SRGAP2C: variants seen among roughly 807,000 people sequenced by gnomAD.
SRGAP2C encodes SLIT-ROBO Rho GTPase activating protein 2C.
Under a neutral mutation model 25.1 loss-of-function variants are expected in SRGAP2C, and 15 were observed. The ratio of observed to expected loss-of-function variants is 0.60; its 90% CI spans 0.40 to 0.92. The LOEUF is 0.92. Ranked by LOEUF, SRGAP2C falls within the 40% of genes least tolerant of loss-of-function variation. SRGAP2C has a pLI of 0.00. For synonymous variants in SRGAP2C, 44 were observed against 96.6 expected (o/e 0.46, Z 3.19); for missense variants, 144 against 264.4 (o/e 0.54, Z 3.16).
intron 3 of SRGAP2C, among the ~76,000 whole-genome samples, chr1:121,310,758 G>T (rs1657964559): frequency 1.2e-5 from 1 of 86,150 alleles, no homozygotes; most frequent in Non-Finnish European, 2.5e-5. Flanking sequence ...TATTTCTGAG[G>T]GCTCTGTTCT....
intron 2 of SRGAP2C, among the ~76,000 whole-genome samples, chr1:121,211,209 T>G (rs1292071299): frequency 6.6e-5 from 10 of 152,068 alleles, no homozygotes; most frequent in Non-Finnish European, 1.3e-4. Flanking sequence ...GTACTTGGTC[T>G]TTTCTTCTTT....
chr1:121,237,338 G>A (rs1412067679), intron 2 of SRGAP2C, among the ~76,000 whole-genome samples: 3 of 151,532 alleles, frequency 2.0e-5, no homozygotes, highest in South Asian at 4.2e-4. Flanking sequence ...GGGCTCAAGC[G>A]AATTAATCCC....
chr1:121,259,983 G>T, intron 2 of SRGAP2C, among the ~76,000 whole-genome samples: 1 of 142,486 alleles, frequency 7.0e-6, no homozygotes, highest in East Asian at 2.0e-4. Flanking sequence ...GCCTCCTGAA[G>T]TACTTGGGAC....
At chr1:121,271,067 G>A (rs1158445868) in intron 2 of SRGAP2C, among the ~76,000 whole-genome samples, 33 of 151,376 alleles carry the variant, frequency 2.2e-4, no homozygotes, top group African/African-American at 7.5e-4. Context: ...AAAGTGCTGG[G>A]ATTATAGGCG....
intron 4 of SRGAP2C, among the ~76,000 whole-genome samples, chr1:121,346,808 C>T (rs1424779318): frequency 1.3e-4 from 20 of 151,294 alleles, no homozygotes; most frequent in Middle Eastern, 6.8e-3. Flanking sequence ...ATGTCCCAGG[C>T]GGGAGGTCAT....
At chr1:121,219,155 C>T (rs1376794278) in intron 2 of SRGAP2C, among the ~76,000 whole-genome samples, 6 of 149,320 alleles carry the variant, frequency 4.0e-5, no homozygotes, top group Non-Finnish European at 8.8e-5. Context: ...GTATACCTAG[C>T]GTGAACTAAC....
chr1:121,383,452 C>T (rs587775373), intron 8 of SRGAP2C, among the ~76,000 whole-genome samples: 6 of 151,362 alleles, frequency 4.0e-5, no homozygotes, highest in Admixed American at 1.3e-4. Context: ...TCTTATTCTC[C>T]TGAAGTTAGA....
chr1:121,270,128 C>T (rs587605817), intron 2 of SRGAP2C, among the ~76,000 whole-genome samples: 16 of 140,628 alleles, frequency 1.1e-4, no homozygotes, highest in African/African-American at 2.9e-4. Context: ...TTTCTCAAGA[C>T]GAGTTCGTGG....
At position 121,273,857 on chromosome 1, in the gene SRGAP2C, G is replaced by A. The variant is rs1657037707; in HGVS notation, c.68-10946G>A. Among the ~76,000 whole-genome samples, 2 of 151,854 alleles carry A rather than the reference G, an allele frequency of 1.3e-5. 1 individual carries two copies. The highest frequency in any genetic ancestry group is 2.9e-5 in the Non-Finnish European group (2 of 67,902). On this transcript the variant is annotated intron_variant, in intron 2 of 9. Coordinates refer to ENST00000367123, the MANE Select transcript of SRGAP2C (RefSeq NM_001329984.2). ...TCATGCTTCAGTAGCAGGAGAGAAA[G>A]CCTGGGTGGGATTGAGAGTCACGCA...
intron 2 of SRGAP2C, among the ~76,000 whole-genome samples, chr1:121,203,843 C>G (rs1355360014): frequency 4.5e-5 from 5 of 109,982 alleles, no homozygotes; most frequent in African/African-American, 1.9e-4. Context: ...CAGCACAAGT[C>G]TCTGAAGACT....
chr1:121,260,965 T>C (rs1248412872), intron 2 of SRGAP2C, among the ~76,000 whole-genome samples: 1 of 90,002 alleles, frequency 1.1e-5, no homozygotes, highest in African/African-American at 4.0e-5. Flanking sequence ...AGGGTCTCTC[T>C]GTCACCAGGC....
At chr1:121,314,218 C>T (rs1474838360) in intron 3 of SRGAP2C, among the ~76,000 whole-genome samples, 72 of 133,252 alleles carry the variant, frequency 5.4e-4, no homozygotes, top group Admixed American at 2.4e-3. Context: ...TTGATCGCAT[C>T]GGCTCCTGAG....
At chr1:121,201,676 A>G (rs1480040439) in intron 2 of SRGAP2C, among the ~76,000 whole-genome samples, 2 of 152,268 alleles carry the variant, frequency 1.3e-5, no homozygotes, top group South Asian at 2.1e-4. Context: ...AGCTGGAATT[A>G]CTTGGGAGGG....
intron 2 of SRGAP2C, among the ~76,000 whole-genome samples, chr1:121,284,099 A>T (rs1657308790): frequency 2.6e-5 from 4 of 152,150 alleles, no homozygotes; most frequent in African/African-American, 9.6e-5. Context: ...TTCTTAAAAA[A>T]TGATTTTCAT....
At chr1:121,307,250 G>A (rs1179135039) in intron 3 of SRGAP2C, among the ~76,000 whole-genome samples, 2 of 146,154 alleles carry the variant, frequency 1.4e-5, no homozygotes, top group African/African-American at 2.5e-5. Flanking sequence ...CAGGTGTGAG[G>A]CACTGCATCC....
intron 5 of SRGAP2C, among the ~76,000 whole-genome samples, chr1:121,367,193 C>T (rs1365882641): frequency 6.6e-6 from 1 of 151,594 alleles, no homozygotes; most frequent in Admixed American, 6.6e-5. Flanking sequence ...CTGGAATACA[C>T]CTTCATAATC....
At chr1:121,248,523 T>G (rs1174243972) in intron 2 of SRGAP2C, among the ~76,000 whole-genome samples, 1 of 146,094 alleles carries the variant, frequency 6.8e-6, no homozygotes, top group African/African-American at 2.5e-5. Context: ...CTTGGCTCAC[T>G]GCAAGCTCCG....
At position 121,267,959 on chromosome 1, in the gene SRGAP2C, G is replaced by T. The variant is rs781852928; in HGVS notation, c.68-16844G>T. Among the ~76,000 whole-genome samples, 25 of 151,348 alleles carry T rather than the reference G, an allele frequency of 1.7e-4. 2 individuals are homozygous for T. The highest frequency in any genetic ancestry group is 3.2e-3 in the Middle Eastern group (1 of 314). The stretch of plus-strand genomic sequence containing the variant: ...AGTAAAAAGAAGCCAGCAATAAATT[G>T]TTCCAAATCCCATCACCCAAAAAAC... On this transcript the variant is annotated intron_variant, in intron 2 of 9. Coordinates refer to ENST00000367123, the MANE Select transcript of SRGAP2C (RefSeq NM_001329984.2).
At chr1:121,327,895 G>A (rs1292415431) in intron 4 of SRGAP2C, among the ~76,000 whole-genome samples, 1 of 152,146 alleles carries the variant, frequency 6.6e-6, no homozygotes, top group Non-Finnish European at 1.5e-5. Context: ...TTCTTTCTGT[G>A]CCTCAGTTCC....
Sources: allele counts gnomAD v4.1 joint callset (sites outside exome capture counted in the v4.1 genomes callset), GRCh38; gene constraint gnomAD v4.1.1; transcripts MANE v1.5; gene names NCBI Gene and HGNC (gene_info 2026-07-23, HGNC 2026-07-21).